Variants in MRTFA observed in about 807,000 individuals in gnomAD.
The protein encoded by MRTFA is myocardin-related transcription factor A.
MRTFA carries 20 observed loss-of-function variants against 83.5 expected under a neutral mutation model. The ratio of observed to expected loss-of-function variants is 0.24; its 90% CI spans 0.17 to 0.35. MRTFA has a LOEUF of 0.35. MRTFA is among the 10% of genes least tolerant of loss of function. MRTFA has a pLI of 1.00. For synonymous variants in MRTFA, 659 were observed against 541.2 expected (o/e 1.22, Z -3.02); for missense variants, 1,200 against 1,224.7 (o/e 0.98, Z 0.30).
chr22:40,500,112 G>C (rs1312491895), intron 3 of MRTFA, among the ~76,000 whole-genome samples: 1 of 151,172 alleles, frequency 6.6e-6, no homozygotes, highest in Non-Finnish European at 1.5e-5. Context: ...TGTATTTTTA[G>C]TAGAGATGGG....
Position 40,416,974 on chromosome 22 carries a change from A to T in MRTFA, c.2578+12T>A. The T allele has an allele frequency of 6.3e-7, 1 of 1,589,076 alleles. No individual in the cohort carries two copies. The highest frequency in any genetic ancestry group is 2.3e-5 in the East Asian group (1 of 44,162). Reference sequence around the variant, plus strand: ...AAGGCCGTCAGGGAGGCAGCAGGGGACCTGGGGTTACCTCCGCTCTGAATG... The same window carrying T: ...AAGGCCGTCAGGGAGGCAGCAGGGGTCCTGGGGTTACCTCCGCTCTGAATG... On this transcript the variant is annotated intron_variant, in intron 14 of 14. Coordinates refer to ENST00000355630, the MANE Select transcript of MRTFA (RefSeq NM_020831.6). The surrounding 1 kb of genome is among the most constrained non-coding windows in gnomAD (Gnocchi z 4.2).
chr22:40,516,422 G>GAA (rs56745896), intron 3 of MRTFA, among the ~76,000 whole-genome samples: 27 of 47,002 alleles, frequency 5.7e-4, no homozygotes, highest in African/African-American at 7.7e-4. Context: ...ACTGCCTCAA[G>GAA]AAAAAAAAAA....
chr22:40,505,234 A>G lies in MRTFA; in HGVS notation c.242-41948T>C, dbSNP rs568839306. 2.0e-3 allele frequency among the ~76,000 whole-genome samples: 307 copies of G among 152,334 alleles called. 1 individual carries two copies. Among genetic ancestry groups the G allele is most frequent in the African/African-American group, 7.0e-3 (291 of 41,574 alleles). On this transcript the variant is annotated intron_variant, in intron 3 of 14. Coordinates refer to ENST00000355630, the MANE Select transcript of MRTFA (RefSeq NM_020831.6). ...TCAAAATTAGCCCCTGCTAACGATAACATCTAGACTGTAGGGATCGACATT... is the reference window on the plus strand; with the variant it reads ...TCAAAATTAGCCCCTGCTAACGATAGCATCTAGACTGTAGGGATCGACATT...
chr22:40,421,388 A>G (rs1165613090), intron 9 of MRTFA, among the ~76,000 whole-genome samples: 2 of 152,134 alleles, frequency 1.3e-5, no homozygotes, highest in African/African-American at 4.8e-5. Context: ...GGGTGAACAC[A>G]AGGAGGTAAA....
Position 40,416,222 on chromosome 22 carries a change from C to A in MRTFA, c.2578+764G>T, listed in dbSNP as rs80327178. 2.6e-5 allele frequency among the ~76,000 whole-genome samples: 4 copies of A among 152,336 alleles called. No homozygotes were observed. Among genetic ancestry groups the A allele is most frequent in the South Asian group, 2.1e-4 (1 of 4,828 alleles). ...CTTGGCTGTTCCTTCCCTCTCCCCCCACTTCATCCATAAAGACACCAACCT... is the reference window on the plus strand; with the variant it reads ...CTTGGCTGTTCCTTCCCTCTCCCCCAACTTCATCCATAAAGACACCAACCT... On this transcript the variant is annotated intron_variant, in intron 14 of 14. Transcript: ENST00000355630. The surrounding 1 kb of genome is among the most constrained non-coding windows in gnomAD (Gnocchi z 4.2).
At chr22:40,551,965 C>A in intron 3 of MRTFA, 141 bp downstream of exon 3, 1 of 378,512 alleles carries the variant, frequency 2.6e-6, no homozygotes, top group Non-Finnish European at 4.7e-6. Flanking sequence ...ATCACTTTAA[C>A]TTACAGCTAT....
chr22:40,462,785 G>A (rs1395222923), intron 4 of MRTFA, among the ~76,000 whole-genome samples: 1 of 152,168 alleles, frequency 6.6e-6, no homozygotes, highest in East Asian at 1.9e-4. Context: ...TAAAACTGTG[G>A]TTGATTCAAA....
chr22:40,602,731 CA>C (rs1267703752), intron 1 of MRTFA, among the ~76,000 whole-genome samples: 1 of 151,596 alleles, frequency 6.6e-6, no homozygotes, highest in Non-Finnish European at 1.5e-5. Context: ...CCTGTAATCC[CA>C]GTTACTCAGG....
intron 3 of MRTFA, among the ~76,000 whole-genome samples, chr22:40,524,805 G>C (rs1217042688): frequency 6.6e-6 from 1 of 152,060 alleles, no homozygotes. Context: ...ATTTTTGTGC[G>C]TGTGCGTGTG....
intron 3 of MRTFA, among the ~76,000 whole-genome samples, chr22:40,497,551 G>A (rs1468164013): frequency 1.3e-5 from 2 of 150,540 alleles, no homozygotes; most frequent in Non-Finnish European, 3.0e-5. Flanking sequence ...TCAGGAGTTC[G>A]AGACCAGCCT....
At chr22:40,550,736 A>C (rs2055430761) in intron 3 of MRTFA, among the ~76,000 whole-genome samples, 1 of 152,232 alleles carries the variant, frequency 6.6e-6, no homozygotes, top group African/African-American at 2.4e-5. Context: ...ATGAAATACC[A>C]AATTCAAGTT....
intron 3 of MRTFA, among the ~76,000 whole-genome samples, chr22:40,471,231 A>C (rs1165724442): frequency 4.1e-5 from 6 of 145,246 alleles, no homozygotes; most frequent in South Asian, 2.2e-4. Flanking sequence ...AAAAAAAAAA[A>C]AAAAAAAAAA....
chr22:40,462,537 A>G (rs2053733295), intron 4 of MRTFA, among the ~76,000 whole-genome samples: 1 of 152,250 alleles, frequency 6.6e-6, no homozygotes, highest in Non-Finnish European at 1.5e-5. Context: ...TTTAAAAAAG[A>G]AAGGTCCGAA....
At chr22:40,608,603 C>G (rs1010638197) in intron 1 of MRTFA, among the ~76,000 whole-genome samples, 35 of 152,272 alleles carry the variant, frequency 2.3e-4, no homozygotes, top group African/African-American at 8.4e-4. Context: ...AGGACTCAAC[C>G]TCAGGTCTGT....
chr22:40,605,483 T>C (rs1226778533), intron 1 of MRTFA, among the ~76,000 whole-genome samples: 2 of 152,188 alleles, frequency 1.3e-5, no homozygotes, highest in African/African-American at 2.4e-5. Flanking sequence ...ACAGTATGTG[T>C]GCACCTTGTA....
At chr22:40,603,206 C>T (rs2056280081) in intron 1 of MRTFA, among the ~76,000 whole-genome samples, 1 of 152,182 alleles carries the variant, frequency 6.6e-6, no homozygotes, top group African/African-American at 2.4e-5. Flanking sequence ...TCCGAGGCTT[C>T]TGACACTTCA....
At chr22:40,448,066 CTT>C (rs1046727183) in intron 4 of MRTFA, among the ~76,000 whole-genome samples, 7 of 152,156 alleles carry the variant, frequency 4.6e-5, no homozygotes, top group African/African-American at 1.7e-4. Flanking sequence ...AATCCCAACA[CTT>C]TGGGAGTACG....
At chr22:40,436,844 G>A (rs1242017048) in intron 4 of MRTFA, among the ~76,000 whole-genome samples, 1 of 152,150 alleles carries the variant, frequency 6.6e-6, no homozygotes, top group Non-Finnish European at 1.5e-5. Context: ...GGCTGCGGTA[G>A]GAGTGCAGGG....
At chr22:40,557,098 G>C (rs1265909983) in intron 2 of MRTFA, among the ~76,000 whole-genome samples, 1 of 152,168 alleles carries the variant, frequency 6.6e-6, no homozygotes, top group Admixed American at 6.5e-5. Context: ...GATGGGCCTT[G>C]CAAAAGTATT....
Sources: gnomAD v4.1 joint callset for allele counts (sites outside exome capture counted in the v4.1 genomes callset) on GRCh38, gnomAD v4.1.1 for gene constraint, Gnocchi (gnomAD v3.1) non-coding constraint, MANE v1.5 for transcripts, NCBI Gene and HGNC (gene_info 2026-07-23, HGNC 2026-07-21) for gene names.